Variants in NDUFA5 observed in about 807,000 individuals in gnomAD.
NDUFA5 encodes the protein NADH:ubiquinone oxidoreductase subunit A5.
NDUFA5 carries 11 observed loss-of-function variants against 19.8 expected under a neutral mutation model. The observed-to-expected ratio is 0.56, with a 90% CI of 0.35 to 0.92. The LOEUF is 0.92. Among genes scored for constraint, NDUFA5 ranks in the 40% least tolerant of loss-of-function variants. The pLI is 0.01. For synonymous variants in NDUFA5, 47 were observed against 46.8 expected, an observed-to-expected ratio of 1.00 and a Z score of -0.01; for missense variants, 109 against 134.2, an observed-to-expected ratio of 0.81 and a Z score of 0.93.
Position 123,537,290 on chromosome 7 carries a change from ATC to A in NDUFA5, c.*4827_*4828del, listed in dbSNP as rs1180108780. 1.3e-5 allele frequency: 2 copies of A among 152,156 alleles called. No individual in the cohort carries two copies. The highest frequency in any genetic ancestry group is 4.8e-5 in the African/African-American group (2 of 41,458). 9.4% of individuals were successfully genotyped at this position (152,156 alleles called of 1,614,324 possible). A position where few individuals can be genotyped will look rare whatever the true frequency, so the allele number is the denominator to read the frequency against. ...TTGATAAAATCAAGCATTTCAAAGT[ATC>A]TCCTGTTGTTACTACAGGTTAAAAT... On this transcript the variant is annotated 3_prime_UTR_variant, in exon 5 of 5. Coordinates refer to ENST00000355749, the MANE Select transcript of NDUFA5 (RefSeq NM_005000.5).
chr7:123,580,119 T>G, the NDUFA5 span, among the ~76,000 whole-genome samples: 1 of 151,996 alleles, frequency 6.6e-6, no homozygotes, highest in Non-Finnish European at 1.5e-5. Context: ...AAATTGGGTC[T>G]TAAATTAGCA....
the NDUFA5 span, among the ~76,000 whole-genome samples, chr7:123,581,026 A>G: frequency 2.0e-5 from 3 of 151,934 alleles, no homozygotes; most frequent in Admixed American, 2.0e-4. Context: ...CTTCCACTAG[A>G]TGGTGCTGGC....
chr7:123,561,012 A>C (rs1798680766), upstream of NDUFA5, among the ~76,000 whole-genome samples: 1 of 152,246 alleles, frequency 6.6e-6, no homozygotes, highest in African/African-American at 2.4e-5. Flanking sequence ...TACACTGAAA[A>C]GTATTAAATA....
At chr7:123,549,606 G>A (rs563523694) in intron 3 of NDUFA5, among the ~76,000 whole-genome samples, 18 of 152,172 alleles carry the variant, frequency 1.2e-4, no homozygotes, top group South Asian at 2.1e-4. Flanking sequence ...GTGAAACTCC[G>A]CCTCTACAAA....
chr7:123,596,445 A>C, the NDUFA5 span: 1 of 152,008 alleles, frequency 6.6e-6, no homozygotes, highest in African/African-American at 2.4e-5. Flanking sequence ...ATCTCTACAA[A>C]AGAAATAAAA....
the NDUFA5 span, among the ~76,000 whole-genome samples, chr7:123,591,073 A>G: frequency 6.6e-6 from 1 of 152,098 alleles, no homozygotes; most frequent in Admixed American, 6.6e-5. Flanking sequence ...TGTAAATGGG[A>G]GTTCACTCAT....
chr7:123,574,432 C>T, the NDUFA5 span, among the ~76,000 whole-genome samples: 1 of 152,042 alleles, frequency 6.6e-6, no homozygotes, highest in African/African-American at 2.4e-5. Flanking sequence ...CCCCAGGCCC[C>T]CAGTTTGTGA....
At chr7:123,592,812 T>C in the NDUFA5 span, among the ~76,000 whole-genome samples, 1 of 151,682 alleles carries the variant, frequency 6.6e-6, no homozygotes, top group Admixed American at 6.6e-5. Context: ...TGAATTCAAG[T>C]CCTGGATATC....
chr7:123,592,426 C>T, the NDUFA5 span, among the ~76,000 whole-genome samples: 104 of 152,290 alleles, frequency 6.8e-4, no homozygotes, highest in Non-Finnish European at 1.2e-3. Flanking sequence ...GCATTTAGTG[C>T]TATAAATTTC....
chr7:123,559,117 A>G (rs968576337), upstream of NDUFA5, among the ~76,000 whole-genome samples: 1 of 152,112 alleles, frequency 6.6e-6, no homozygotes, highest in Admixed American at 6.5e-5. Flanking sequence ...ACAAGCAAGA[A>G]TAAAAGAACC....
the NDUFA5 span, among the ~76,000 whole-genome samples, chr7:123,572,984 T>A: frequency 1.3e-5 from 2 of 152,152 alleles, no homozygotes; most frequent in Admixed American, 6.5e-5. Flanking sequence ...TGGTGACCTA[T>A]CAAATTTTAA....
chr7:123,587,110 A>G, the NDUFA5 span, among the ~76,000 whole-genome samples: 1 of 151,686 alleles, frequency 6.6e-6, no homozygotes. Context: ...GAAAAACATC[A>G]TTGGAATTTT....
chr7:123,540,931 C>T lies in NDUFA5; in HGVS notation c.*1188G>A, dbSNP rs1797922417. ...ACACACACACACACACACACACACA[C>T]ACACGTATACACAAAACCCCACAAG... On this transcript the variant is annotated 3_prime_UTR_variant, in exon 5 of 5. Transcript: ENST00000355749. The T allele has an allele frequency of 6.6e-6, 1 of 150,930 alleles. No individual in the cohort carries two copies. The highest frequency in any genetic ancestry group is 1.5e-5 in the Non-Finnish European group (1 of 67,916). 9.3% of individuals were successfully genotyped at this position (150,930 alleles called of 1,614,324 possible). A position where few individuals can be genotyped will look rare whatever the true frequency, so the allele number is the denominator to read the frequency against.
At chr7:123,571,951 T>C in the NDUFA5 span, among the ~76,000 whole-genome samples, 1 of 151,612 alleles carries the variant, frequency 6.6e-6, no homozygotes, top group Non-Finnish European at 1.5e-5. Context: ...TTTAATGTTT[T>C]TATAGAGATG....
At chr7:123,590,280 A>G in the NDUFA5 span, among the ~76,000 whole-genome samples, 3 of 152,074 alleles carry the variant, frequency 2.0e-5, no homozygotes, top group East Asian at 5.8e-4. Flanking sequence ...TTGCCCATTC[A>G]CTCTGATGAT....
chr7:123,570,325 C>T, the NDUFA5 span, among the ~76,000 whole-genome samples: 1 of 152,026 alleles, frequency 6.6e-6, no homozygotes, highest in South Asian at 2.1e-4. Context: ...CGTGAGCCAC[C>T]GCGCCCAGCC....
At chr7:123,553,114 G>A (rs113536259) in intron 2 of NDUFA5, among the ~76,000 whole-genome samples, 6 of 152,140 alleles carry the variant, frequency 3.9e-5, no homozygotes, top group South Asian at 2.1e-4. Context: ...CACTGTTTGC[G>A]TATAAAGATA....
the NDUFA5 span, among the ~76,000 whole-genome samples, chr7:123,589,890 G>A: frequency 2.6e-4 from 40 of 152,212 alleles, no homozygotes; most frequent in Admixed American, 1.6e-3. Flanking sequence ...TTGAGGAATC[G>A]CCACGCTGTC....
At chr7:123,552,837 T>C (rs1037476991) in intron 2 of NDUFA5, among the ~76,000 whole-genome samples, 19 of 152,012 alleles carry the variant, frequency 1.2e-4, no homozygotes, top group African/African-American at 4.1e-4. Flanking sequence ...AACCTAGGTG[T>C]TATCAGTACT....
Sources: allele counts gnomAD v4.1 joint callset (sites outside exome capture counted in the v4.1 genomes callset), GRCh38; gene constraint gnomAD v4.1.1; transcripts MANE v1.5; gene names NCBI Gene and HGNC (gene_info 2026-07-23, HGNC 2026-07-21).